SPOUT1: variants seen among roughly 807,000 people sequenced by gnomAD.
SPOUT1 encodes SPOUT domain containing methyltransferase 1.
A neutral mutation model predicts 54.8 loss-of-function variants in SPOUT1; 40 were observed. That is an observed-to-expected ratio of 0.73 (90% CI 0.57 to 0.95). SPOUT1 has a LOEUF of 0.95. SPOUT1 is among the 40% of genes least tolerant of loss of function. SPOUT1 has a pLI of 0.00. For synonymous variants in SPOUT1, 193 were observed against 200.3 expected (o/e 0.96, Z 0.31); for missense variants, 437 against 499.5 (o/e 0.87, Z 1.19).
At position 128,822,139 on chromosome 9, in the gene SPOUT1, AAG is replaced by A; in HGVS notation, c.*624_*625del. The A allele has an allele frequency of 1.5e-6, 1 of 657,982 alleles. No homozygotes were observed. The highest frequency in any genetic ancestry group is 3.0e-5 in the Admixed American group (1 of 33,898). The allele number at this position is 657,982 out of a possible 1,614,324, so 40.8% of individuals were successfully genotyped here. ...GTTGGGCATAAGGAAAACAGAGGGAAAGAGTTAACCACCCTGGAGAGAGTTCC... is the reference window on the plus strand; with the variant it reads ...GTTGGGCATAAGGAAAACAGAGGGAAAGTTAACCACCCTGGAGAGAGTTCC... On this transcript the variant is annotated 3_prime_UTR_variant, in exon 12 of 12. Transcript: ENST00000361256.
Position 128,820,619 on chromosome 9 carries a change from C to T in SPOUT1, c.*2146G>A. Reference sequence around the variant, plus strand: ...TTTCATTCCTTGAGCCTCAGTTTCCCCCCGCTTGTCTCACTGGATATCTCT... The same window carrying T: ...TTTCATTCCTTGAGCCTCAGTTTCCTCCCGCTTGTCTCACTGGATATCTCT... On this transcript the variant is annotated 3_prime_UTR_variant, in exon 12 of 12. Coordinates refer to ENST00000361256, the MANE Select transcript of SPOUT1 (RefSeq NM_016390.4). 1 of 792,212 alleles carries T rather than the reference C, an allele frequency of 1.3e-6. No individual in the cohort carries two copies. The highest frequency in any genetic ancestry group is 2.9e-4 in the Middle Eastern group (1 of 3,506). The allele number at this position is 792,212 out of a possible 1,614,324, so 49.1% of individuals were successfully genotyped here. A position where few individuals can be genotyped will look rare whatever the true frequency, so the allele number is the denominator to read the frequency against.
At position 128,819,989 on chromosome 9, in the gene SPOUT1, A is replaced by T. The variant is rs1830076050; in HGVS notation, c.*2776T>A. 1 of 152,016 alleles carries T rather than the reference A, an allele frequency of 6.6e-6. No homozygotes were observed. Among genetic ancestry groups the T allele is most frequent in the Non-Finnish European group, 1.5e-5 (1 of 68,066 alleles). The allele number at this position is 152,016 out of a possible 1,614,324, so 9.4% of individuals were successfully genotyped here. A position where few individuals can be genotyped will look rare whatever the true frequency, so the allele number is the denominator to read the frequency against. On this transcript the variant is annotated 3_prime_UTR_variant, in exon 12 of 12. Transcript: ENST00000361256. ...AGCTTCCCTTGCTCGCCTGCTGCTC[A>T]CCTCCTGCTGTGTGGCCCGGTTCTG...
chr9:128,828,752 G>A lies in SPOUT1; in HGVS notation c.191C>T (p.Ala64Val), dbSNP rs1830290099. Residue 64 changes from alanine to valine, a missense_variant, in exon 3 of 12, where the codon GCA becomes GTA. Transcript: ENST00000361256. ...AKRLEEEEAAAEKEDRGRPYT... is the reference protein window; with the variant it reads ...AKRLEEEEAAVEKEDRGRPYT... ...CAGCTCACCGCGGTCCTCCTTCTCTGCCGCTGCCTCCTCCTCTTCCAGGCG... is the reference window on the plus strand; with the variant it reads ...CAGCTCACCGCGGTCCTCCTTCTCTACCGCTGCCTCCTCCTCTTCCAGGCG... The A allele has an allele frequency of 2.5e-6, 4 of 1,613,814 alleles. No homozygotes were observed. The highest frequency in any genetic ancestry group is 3.4e-6 in the Non-Finnish European group (4 of 1,180,036).
chr9:128,820,222 A>G lies in SPOUT1; in HGVS notation c.*2543T>C, dbSNP rs1830081434. The G allele has an allele frequency of 6.5e-6, 1 of 154,552 alleles. No individual in the cohort carries two copies. The highest frequency in any genetic ancestry group is 2.4e-5 in the African/African-American group (1 of 41,480). The allele number at this position is 154,552 out of a possible 1,614,324, so 9.6% of individuals were successfully genotyped here. A position where few individuals can be genotyped will look rare whatever the true frequency, so the allele number is the denominator to read the frequency against. On this transcript the variant is annotated 3_prime_UTR_variant, in exon 12 of 12. Transcript: ENST00000361256. Reference sequence around the variant, plus strand: ...CTGGCACCAATGGATGGAGACTGCCATGGGGCTCTGGGTGGAGCCCATGGG... The same window carrying G: ...CTGGCACCAATGGATGGAGACTGCCGTGGGGCTCTGGGTGGAGCCCATGGG...
At position 128,826,141 on chromosome 9, in the gene SPOUT1, G is replaced by T. The variant is rs1830235773; in HGVS notation, c.520C>A (p.Pro174Thr). The part of the protein sequence containing the change: ...QDLQFAGLLN[P>T]LDSPHHMRQD... ...CGCATGTGGTGGGGGCTGTCCAGGG[G>T]GTTCAGGAGCCCTGTGGAGGCAGAG... The change falls in exon 7 of 12, where the codon CCC becomes ACC. Residue 174 changes from proline to threonine, a missense_variant. Physicochemically the swap from Pro to Thr is conservative, Grantham distance 38. Transcript: ENST00000361256. The surrounding 1 kb of genome is among the most constrained non-coding windows in gnomAD (Gnocchi z 5.5). 19 of 1,607,782 alleles carry T rather than the reference G, an allele frequency of 1.2e-5. No homozygotes were observed. The highest frequency in any genetic ancestry group is 1.4e-5 in the Non-Finnish European group (16 of 1,176,734).
rs374942763 is a variant in SPOUT1 at position 128,822,371 on chromosome 9, G to A, written c.*394C>T. 69 of 1,613,786 alleles carry A rather than the reference G, an allele frequency of 4.3e-5. No individual in the cohort carries two copies. The highest frequency in any genetic ancestry group is 4.8e-5 in the Non-Finnish European group (57 of 1,180,000). On this transcript the variant is annotated 3_prime_UTR_variant, in exon 12 of 12. Coordinates refer to ENST00000361256, the MANE Select transcript of SPOUT1 (RefSeq NM_016390.4). Reference sequence around the variant, plus strand: ...ATCCTACGTAAAGTACCAGGTCATCGGCAAGAACCACGTGGCAGTGCCCAC... The same window carrying A: ...ATCCTACGTAAAGTACCAGGTCATCAGCAAGAACCACGTGGCAGTGCCCAC...
rs757383216 is a variant in SPOUT1 at position 128,827,156 on chromosome 9, A to G, written c.244T>C (p.Ser82Pro). Residue 82 changes from serine (S) to proline (P), a missense_variant, in exon 4 of 12, where the codon TCC (serine) becomes CCC (proline). Physicochemically the swap from Ser to Pro is moderately conservative, Grantham distance 74. Transcript: ENST00000361256. ...GGCGACTGAGCATTGTCCAGGATGG[A>G]GCCCGGCAGGGCTACGCTCAGTGTG... Reference protein sequence around the residue: ...PYTLSVALPGSILDNAQSPEL... With the variant: ...PYTLSVALPGPILDNAQSPEL... 6.8e-6 allele frequency: 11 copies of G among 1,613,788 alleles called. No individual in the cohort carries two copies. Among genetic ancestry groups the G allele is most frequent in the Non-Finnish European group, 9.3e-6 (11 of 1,179,984 alleles).
intron 9 of SPOUT1, 128 bp from the exon 10 acceptor site, chr9:128,824,302 G>C: frequency 1.7e-6 from 1 of 581,834 alleles, no homozygotes; most frequent in South Asian, 1.8e-5. Context: ...GTGTGTGTGC[G>C]TGTGTGTACT....
Position 128,825,068 on chromosome 9 carries a change from A to C in SPOUT1, c.640-19T>G, listed in dbSNP as rs371770572. The stretch of plus-strand genomic sequence containing the variant: ...TCACCTCCTGGGGAGAAGCCAGAAG[A>C]AATGGGTGCCATTCCTCTCAAGATC... On this transcript the variant is annotated intron_variant, in intron 7 of 11. Coordinates refer to ENST00000361256, the MANE Select transcript of SPOUT1 (RefSeq NM_016390.4). 1.1e-5 allele frequency: 17 copies of C among 1,541,854 alleles called. No homozygotes were observed. In the African/African-American group the frequency reaches 2.3e-4, roughly 21 times the overall value.
chr9:128,825,400 C>A (rs1417735105), intron 7 of SPOUT1, among the ~76,000 whole-genome samples: 2 of 152,074 alleles, frequency 1.3e-5, no homozygotes, highest in African/African-American at 4.8e-5. Flanking sequence ...GGCACGATCT[C>A]AGCTCACTGC....
At chr9:128,828,217 C>T (rs1295836936) in intron 3 of SPOUT1, among the ~76,000 whole-genome samples, 1 of 151,814 alleles carries the variant, frequency 6.6e-6, no homozygotes, top group African/African-American at 2.4e-5. Flanking sequence ...AGGCTTGGGC[C>T]GGGCACGGTG....
intron 7 of SPOUT1, 116 bp downstream of exon 7, chr9:128,825,906 T>G: frequency 4.4e-6 from 6 of 1,350,620 alleles, no homozygotes; most frequent in South Asian, 3.9e-5. Flanking sequence ...TGGCCCAAAT[T>G]TGCATCAGTG....
intron 11 of SPOUT1, among the ~76,000 whole-genome samples, chr9:128,823,246 G>A (rs1350417122): frequency 6.6e-6 from 1 of 152,122 alleles, no homozygotes; most frequent in Non-Finnish European, 1.5e-5. Flanking sequence ...GGCCCGGCGA[G>A]ACTGATGGGA....
In SPOUT1 at chr9:128,823,925, G is replaced by A. The variant is rs200200644; in HGVS notation, c.915-31C>T. The A allele has an allele frequency of 3.5e-5, 56 of 1,609,300 alleles. No individual in the cohort carries two copies. In the Admixed American group the frequency reaches 6.4e-4, roughly 18 times the overall value. On this transcript the variant is annotated intron_variant, in intron 10 of 11. Coordinates refer to ENST00000361256, the MANE Select transcript of SPOUT1 (RefSeq NM_016390.4). ...CCATGTAAGAGGGGGTCACCTGAGC[G>A]GCCACCGAGGCCCCACCCAGCACAG...
Position 128,826,396 on chromosome 9 carries a change from G to T in SPOUT1, c.496C>A (p.Leu166Ile). 3.1e-6 allele frequency: 5 copies of T among 1,614,094 alleles called. No homozygotes were observed. Among genetic ancestry groups the T allele is most frequent in the Non-Finnish European group, 4.2e-6 (5 of 1,179,966 alleles). Residue 166 changes from leucine to isoleucine, a missense_variant, in exon 6 of 12, where the codon CTA (leucine) becomes ATA (isoleucine). Physicochemically the swap from Leu to Ile is conservative, Grantham distance 5. Coordinates refer to ENST00000361256, the MANE Select transcript of SPOUT1 (RefSeq NM_016390.4). The surrounding 1 kb of genome is among the most constrained non-coding windows in gnomAD (Gnocchi z 5.5). The stretch of plus-strand genomic sequence containing the variant: ...CATACAGCGTTACCTGCAAACTGTA[G>T]ATCCTGGTGCTTGGGGAAGAACGCC... ...RKAFFPKHQD[L>I]QFAGLLNPLD...
Position 128,829,132 on chromosome 9 carries a change from C to G in SPOUT1, c.60G>C (p.Glu20Asp). 6.2e-7 allele frequency: 1 copy of G among 1,614,098 alleles called. No homozygotes were observed. Among genetic ancestry groups the G allele is most frequent in the Non-Finnish European group, 8.5e-7 (1 of 1,179,916 alleles). ...CGPGEHGQRI[E>D]WRKWKQQKKE... is the part of the protein sequence containing the mutation. ...TACTCTGTTGCTTCCATTTTCGCCA[C>G]TCAATCCTTTGGCCGTGTTCACCCT... The change falls in exon 2 of 12, where the codon GAG becomes GAC. Residue 20 changes from glutamate (E) to aspartate (D), a missense_variant. Physicochemically the swap from Glu to Asp is conservative, Grantham distance 45. Transcript: ENST00000361256.
chr9:128,827,182 T>A lies in SPOUT1; in HGVS notation c.218A>T (p.Tyr73Phe). Residue 73 changes from tyrosine (Y) to phenylalanine (F), a missense_variant, in exon 4 of 12, where the codon TAC becomes TTC. Physicochemically the swap from Tyr to Phe is conservative, Grantham distance 22. Transcript: ENST00000361256. ...AAEKEDRGRP[Y>F]TLSVALPGSI... The stretch of plus-strand genomic sequence containing the variant: ...GCCCGGCAGGGCTACGCTCAGTGTG[T>A]AGGGCCGCCCTGAGCAGGGGAGGGA... The A allele has an allele frequency of 6.2e-7, 1 of 1,612,496 alleles. No individual in the cohort carries two copies. Among genetic ancestry groups the A allele is most frequent in the South Asian group, 1.1e-5 (1 of 91,052 alleles).
At position 128,824,948 on chromosome 9, in the gene SPOUT1, A is replaced by AC. The variant is rs778978972; in HGVS notation, c.712+28dup. Reference sequence around the variant, plus strand: ...CTGAACCCTGGAGCTCATCAGGCCAACCCAGGGGTTGGGGAACCTTCCAGA... The same window carrying AC: ...CTGAACCCTGGAGCTCATCAGGCCAACCCCAGGGGTTGGGGAACCTTCCAGA... On this transcript the variant is annotated intron_variant, in intron 8 of 11. Coordinates refer to ENST00000361256, the MANE Select transcript of SPOUT1 (RefSeq NM_016390.4). 11 of 1,606,086 alleles carry AC rather than the reference A, an allele frequency of 6.8e-6. 1 individual carries two copies. In the South Asian group the frequency reaches 1.2e-4, roughly 18 times the overall value.
chr9:128,827,333 C>T, intron 3 of SPOUT1, 142 bp from the exon 4 acceptor site: 4 of 713,154 alleles, frequency 5.6e-6, no homozygotes, highest in Non-Finnish European at 9.1e-6. Flanking sequence ...AGATCCAGCT[C>T]CCCTCTCTGG....
Sources: allele counts gnomAD v4.1 joint callset (sites outside exome capture counted in the v4.1 genomes callset), GRCh38; gene constraint gnomAD v4.1.1; non-coding constraint Gnocchi (gnomAD v3.1); transcripts MANE v1.5; gene names NCBI Gene and HGNC (gene_info 2026-07-23, HGNC 2026-07-21).